Variants in DNAH12 observed in about 807,000 individuals in gnomAD.
DNAH12 encodes the protein axonemal beta dynein heavy chain 12.
In DNAH12, 285 loss-of-function variants were observed where a neutral mutation model predicts 371.5. The observed-to-expected ratio is 0.77, with a 90% CI of 0.70 to 0.85. DNAH12 has a LOEUF of 0.85. Ranked by LOEUF, DNAH12 falls within the 40% of genes least tolerant of loss-of-function variation. The probability of loss-of-function intolerance (pLI) is 0.00; values close to 1 mark genes in which losing one functional copy is unlikely to be tolerated. For synonymous variants in DNAH12, 1,200 were observed against 1,213.0 expected (o/e 0.99, Z 0.22); for missense variants, 3,611 against 3,689.4 (o/e 0.98, Z 0.55).
chr3:57,411,520 C>G lies in DNAH12; in HGVS notation c.6020+2226G>C, dbSNP rs547938190. 4.5e-5 allele frequency among the ~76,000 whole-genome samples: 4 copies of G among 88,814 alleles called. No homozygotes were observed. The Admixed American group carries it at 7.3e-4, about 16-fold the overall frequency. 58.3% of individuals were successfully genotyped at this position (88,814 alleles called of 152,430 possible). ...CCAGCCTGGGTGACAGAGTGAGACA[C>G]TGTCTCAAAAAAAAAAAAAAAAAAA... On this transcript the variant is annotated intron_variant, in intron 39 of 73. Transcript: ENST00000495027.
chr3:57,361,523 A>T (rs2062936730), intron 58 of DNAH12, among the ~76,000 whole-genome samples: 1 of 147,902 alleles, frequency 6.8e-6, no homozygotes, highest in Non-Finnish European at 1.5e-5. Flanking sequence ...TTGGCTGTAA[A>T]CTATTTGCCT....
chr3:57,545,752 T>A (rs1212109899), upstream of DNAH12, among the ~76,000 whole-genome samples: 3 of 152,034 alleles, frequency 2.0e-5, no homozygotes, highest in Non-Finnish European at 4.4e-5. Flanking sequence ...CACAGGGTGT[T>A]GTGCCTGGAG....
At chr3:57,326,255 T>C (rs548515516) in intron 62 of DNAH12, among the ~76,000 whole-genome samples, 1 of 151,782 alleles carries the variant, frequency 6.6e-6, no homozygotes, top group Admixed American at 6.6e-5. Context: ...GACACATAAT[T>C]GTCAGATTCA....
chr3:57,330,651 C>T (rs1489619075), intron 62 of DNAH12, among the ~76,000 whole-genome samples: 4 of 148,466 alleles, frequency 2.7e-5, no homozygotes. Flanking sequence ...CAGCATGTCA[C>T]ATGTATACAT....
At position 57,323,456 on chromosome 3, in the gene DNAH12, T is replaced by A. The variant is rs1291661224; in HGVS notation, c.10129+13A>T. The A allele has an allele frequency of 6.5e-7, 1 of 1,537,502 alleles. No homozygotes were observed. Among genetic ancestry groups the A allele is most frequent in the Non-Finnish European group, 8.8e-7 (1 of 1,142,692 alleles). ...TTTATGATTTCTTAAAAGTTTACAG[T>A]ATATGCACTTACTGGCCATAGGATC... On this transcript the variant is annotated intron_variant, in intron 63 of 73. Coordinates refer to ENST00000495027, the MANE Select transcript of DNAH12 (RefSeq NM_001366028.2).
At chr3:57,477,760 G>A (rs1037814126) in intron 13 of DNAH12, among the ~76,000 whole-genome samples, 2 of 152,156 alleles carry the variant, frequency 1.3e-5, no homozygotes, top group African/African-American at 4.8e-5. Flanking sequence ...AACACTTGCT[G>A]TTCACCAATA....
intron 38 of DNAH12, among the ~76,000 whole-genome samples, 169 bp from the exon 39 acceptor site, chr3:57,414,081 T>A (rs958781983): frequency 1.3e-5 from 2 of 152,166 alleles, no homozygotes; most frequent in African/African-American, 4.8e-5. Context: ...TAACTTAACA[T>A]AAAATACCAT....
chr3:57,335,738 CAT>C (rs1401247524), intron 60 of DNAH12, among the ~76,000 whole-genome samples: 4 of 152,210 alleles, frequency 2.6e-5, no homozygotes, highest in East Asian at 1.9e-4. Flanking sequence ...TTATGTGGCA[CAT>C]GACTGTACTA....
chr3:57,551,562 G>T, the DNAH12 span, among the ~76,000 whole-genome samples: 1 of 152,084 alleles, frequency 6.6e-6, no homozygotes, highest in Non-Finnish European at 1.5e-5. Flanking sequence ...TAGCCACCGC[G>T]CCCGGCCACA....
At chr3:57,548,829 T>A (rs2069597552), upstream of DNAH12, 1 of 152,218 alleles carries the variant, frequency 6.6e-6, no homozygotes. Flanking sequence ...TAAAAGATTT[T>A]ACAAAGCAGT....
At chr3:57,376,339 A>C (rs2063281479) in intron 53 of DNAH12, among the ~76,000 whole-genome samples, 1 of 152,124 alleles carries the variant, frequency 6.6e-6, no homozygotes, top group African/African-American at 2.4e-5. Flanking sequence ...AAAACATACG[A>C]ACATTTGCAA....
rs768428226 is a variant in DNAH12 at position 57,310,985 on chromosome 3, TA to T, written c.10663-36del. On this transcript the variant is annotated intron_variant, in intron 66 of 73. Coordinates refer to ENST00000495027, the MANE Select transcript of DNAH12 (RefSeq NM_001366028.2). ...AGGAAAAATGAAACAAGAAAAACCT[TA>T]AAGTATTTCACTTCATTTCCATTTT... 6.5e-5 allele frequency: 92 copies of T among 1,410,940 alleles called. No individual in the cohort carries two copies. In the South Asian group the frequency reaches 1.1e-3, roughly 17 times the overall value. The allele number at this position is 1,410,940 out of a possible 1,614,324, so 87.4% of individuals were successfully genotyped here. A position where few individuals can be genotyped will look rare whatever the true frequency, so the allele number is the denominator to read the frequency against.
At chr3:57,314,692 G>A (rs2061649867) in intron 65 of DNAH12, 61 bp from the exon 66 acceptor site, 1 of 1,453,746 alleles carries the variant, frequency 6.9e-7, no homozygotes, top group African/African-American at 1.4e-5. Flanking sequence ...TCAGTAAAAT[G>A]AGAGGAATAG....
chr3:57,421,510 T>C lies in DNAH12; in HGVS notation c.5562+8A>G. ...TTATCTTACCATAACAAGCTTTTTA[T>C]GTCATACCTCATACATGTAGTCATA... On this transcript the variant is annotated splice_region_variant and intron_variant, in intron 36 of 73. Coordinates refer to ENST00000495027, the MANE Select transcript of DNAH12 (RefSeq NM_001366028.2). 3 of 1,551,424 alleles carry C rather than the reference T, an allele frequency of 1.9e-6. No individual in the cohort carries two copies. Among genetic ancestry groups the C allele is most frequent in the African/African-American group, 1.4e-5 (1 of 73,112 alleles).
At chr3:57,511,012 A>G in intron 4 of DNAH12, 33 bp from the exon 5 acceptor site, 2 of 1,517,018 alleles carry the variant, frequency 1.3e-6, no homozygotes, top group Non-Finnish European at 1.8e-6. Context: ...AATGTTCTGC[A>G]TGGTTGTATC....
intron 36 of DNAH12, among the ~76,000 whole-genome samples, 178 bp from the exon 37 acceptor site, chr3:57,419,696 TAATAA>T (rs1185568214): frequency 1.3e-5 from 2 of 152,146 alleles, no homozygotes; most frequent in African/African-American, 2.4e-5. Context: ...ATAAGCAGAT[TAATAA>T]AATAAGCATT....
the DNAH12 span, among the ~76,000 whole-genome samples, chr3:57,555,786 C>T: frequency 1.3e-5 from 2 of 152,256 alleles, no homozygotes; most frequent in Non-Finnish European, 1.5e-5. Flanking sequence ...AAAGGCTCTG[C>T]TCAGAGGTGC....
At chr3:57,332,404 A>C (rs965634578) in intron 62 of DNAH12, among the ~76,000 whole-genome samples, 4 of 152,362 alleles carry the variant, frequency 2.6e-5, no homozygotes, top group Admixed American at 1.3e-4. Context: ...CTACTACCAC[A>C]AACAATTTAA....
In DNAH12 at chr3:57,408,294, T is replaced by C; in HGVS notation, c.6262A>G (p.Asn2088Asp). 6.5e-7 allele frequency: 1 copy of C among 1,549,988 alleles called. No homozygotes were observed. The highest frequency in any genetic ancestry group is 8.7e-7 in the Non-Finnish European group (1 of 1,146,238). The change falls in exon 40 of 74, where the codon AAT (asparagine) becomes GAT (aspartate). Residue 2088 changes from asparagine (N) to aspartate (D), a missense_variant. Physicochemically the swap from Asn to Asp is conservative, Grantham distance 23. Transcript: ENST00000495027. ...EYFVIGNQIVNGTMEIYKQSV... is the reference protein window; with the variant it reads ...EYFVIGNQIVDGTMEIYKQSV... Reference sequence around the variant, plus strand: ...TATTGACTGACCTCCATAGTCCCATTGACTATCTGGTTCCCAATTACAAAG... The same window carrying C: ...TATTGACTGACCTCCATAGTCCCATCGACTATCTGGTTCCCAATTACAAAG...
Sources: allele counts gnomAD v4.1 joint callset (sites outside exome capture counted in the v4.1 genomes callset), GRCh38; gene constraint gnomAD v4.1.1; transcripts MANE v1.5; gene names NCBI Gene and HGNC (gene_info 2026-07-23, HGNC 2026-07-21).